The following CIT variants were observed in gnomAD, a reference collection of about 807,000 sequenced individuals.
The protein encoded by CIT is citron Rho-interacting kinase.
In CIT, 79 loss-of-function variants were observed where a neutral mutation model predicts 272.7. That is an observed-to-expected ratio of 0.29 (90% CI 0.24 to 0.35). CIT has a LOEUF of 0.35. Ranked by LOEUF, CIT falls within the 10% of genes least tolerant of loss-of-function variation. The pLI, the probability that CIT is intolerant of heterozygous loss-of-function variation, is 1.00. For synonymous variants in CIT, 948 were observed against 995.6 expected (o/e 0.95, Z 0.90); for missense variants, 1,909 against 2,618.3 (o/e 0.73, Z 5.91).
chr12:119,832,369 C>T (rs1968703591), intron 7 of CIT, among the ~76,000 whole-genome samples: 1 of 152,120 alleles, frequency 6.6e-6, no homozygotes, highest in Non-Finnish European at 1.5e-5. Flanking sequence ...GGTTCAAATG[C>T]TCCAGTGATT....
At chr12:119,767,006 T>A in intron 19 of CIT, 81 bp downstream of exon 19, 1 of 972,564 alleles carries the variant, frequency 1.0e-6, no homozygotes. Flanking sequence ...CAGCAAGAAA[T>A]GGCCACAAGG....
Position 119,712,479 on chromosome 12 carries a change from G to A in CIT, c.4684+112C>T. The A allele has an allele frequency of 2.2e-6, 3 of 1,394,676 alleles. No individual in the cohort carries two copies. The South Asian group carries it at 3.9e-5, about 18-fold the overall frequency. The allele number at this position is 1,394,676 out of a possible 1,614,324, so 86.4% of individuals were successfully genotyped here. ...GTTACCGCCAAGGCGGGGAGCGGAG[G>A]AAGATGGGCCTCCTTTGCAGAGCCA... On this transcript the variant is annotated intron_variant, in intron 36 of 47. Transcript: ENST00000392521. The surrounding 1 kb of genome is among the most constrained non-coding windows in gnomAD (Gnocchi z 5.2).
chr12:119,799,572 AAG>A (rs1035993068), intron 10 of CIT, among the ~76,000 whole-genome samples: 1 of 152,154 alleles, frequency 6.6e-6, no homozygotes, highest in Non-Finnish European at 1.5e-5. Context: ...AATCAAAAGG[AAG>A]AGAGTGCCCC....
intron 39 of CIT, among the ~76,000 whole-genome samples, chr12:119,709,937 G>A (rs1194679290): frequency 1.3e-5 from 2 of 152,058 alleles, no homozygotes; most frequent in Non-Finnish European, 2.9e-5. Context: ...GAAGGTCAGG[G>A]CCCACGGTGG....
At chr12:119,766,250 A>G (rs1329422056) in intron 19 of CIT, among the ~76,000 whole-genome samples, 1 of 152,316 alleles carries the variant, frequency 6.6e-6, no homozygotes, top group Non-Finnish European at 1.5e-5. Flanking sequence ...GGGAAAAAAA[A>G]AAGAAAGAAA....
At chr12:119,709,962 G>C (rs765619474) in intron 39 of CIT, among the ~76,000 whole-genome samples, 12 of 152,116 alleles carry the variant, frequency 7.9e-5, no homozygotes, top group Non-Finnish European at 1.6e-4. Flanking sequence ...GTTGCAATCA[G>C]GACAAAGGGT....
At position 119,728,432 on chromosome 12, in the gene CIT, C is replaced by CA. The variant is rs964857721; in HGVS notation, c.3591+69dup. 3.1e-4 allele frequency: 292 copies of CA among 943,552 alleles called. No homozygotes were observed. Among genetic ancestry groups the CA allele is most frequent in the Middle Eastern group, 4.4e-4 (2 of 4,592 alleles). The allele number at this position is 943,552 out of a possible 1,614,324, so 58.4% of individuals were successfully genotyped here. A position where few individuals can be genotyped will look rare whatever the true frequency, so the allele number is the denominator to read the frequency against. ...TTTTGCTGTGAACCTAAAGCTGCTC[C>CA]AAAAAAAAGAAGCCTATTAAAAGAA... On this transcript the variant is annotated intron_variant, in intron 28 of 47. Coordinates refer to ENST00000392521, the MANE Select transcript of CIT (RefSeq NM_001206999.2). The surrounding 1 kb of genome is among the most constrained non-coding windows in gnomAD (Gnocchi z 4.3).
intron 39 of CIT, among the ~76,000 whole-genome samples, chr12:119,709,787 AGTGTGTGTGT>A (rs150206566): frequency 0.11 from 11,462 of 107,462 alleles, 697 homozygotes; most frequent in East Asian, 0.27. Flanking sequence ...AGAGAGAGAG[AGTGTGTGTGT>A]GTGTGTGTGT....
rs117749901 is a variant in CIT, at chr12:119,767,492, G to A, written c.2209-310C>T. On this transcript the variant is annotated intron_variant, in intron 18 of 47. Transcript: ENST00000392521. ...TTGCATAGAGAAATAAGAGTAACAA[G>A]GCAACACTGGAAAGTTTAGTACATG... Among the ~76,000 whole-genome samples the A allele has an allele frequency of 1.8e-3, 267 of 152,284 alleles. 2 individuals are homozygous for A. The East Asian group carries it at 0.033, about 19-fold the overall frequency.
At chr12:119,726,836 C>T (rs372144551) in intron 28 of CIT, among the ~76,000 whole-genome samples, 2 of 152,142 alleles carry the variant, frequency 1.3e-5, no homozygotes, top group Admixed American at 6.5e-5. Flanking sequence ...TTTAAATAGC[C>T]GTTCTCAGAG....
At chr12:119,711,055 C>G in intron 37 of CIT, 1 of 1,367,236 alleles carries the variant, frequency 7.3e-7, no homozygotes, top group Non-Finnish European at 9.8e-7. Context: ...TTACCTGAAC[C>G]CAGGCAGGCA....
intron 6 of CIT, 142 bp downstream of exon 6, chr12:119,833,944 G>T: frequency 2.5e-6 from 2 of 810,022 alleles, no homozygotes; most frequent in Non-Finnish European, 1.9e-6. Context: ...TTTGCTTTCA[G>T]CCAGTTATTG....
chr12:119,842,750 AT>A (rs1969495394), intron 5 of CIT, among the ~76,000 whole-genome samples: 2 of 152,208 alleles, frequency 1.3e-5, no homozygotes, highest in African/African-American at 2.4e-5. Flanking sequence ...TGCATTCCAA[AT>A]TTTGAAAATC....
chr12:119,713,007 G>T lies in CIT; in HGVS notation c.4579+196C>A. The stretch of plus-strand genomic sequence containing the variant: ...GAATCTTCAGGGCAGCGCCCTGCGG[G>T]TTCTTCAGGGGGGAGACCTATAGAT... On this transcript the variant is annotated intron_variant, in intron 35 of 47. Coordinates refer to ENST00000392521, the MANE Select transcript of CIT (RefSeq NM_001206999.2). This position sits in a 1 kb window ranked among gnomAD's most constrained non-coding sequence, Gnocchi z 5.2. 3.2e-6 allele frequency: 2 copies of T among 626,046 alleles called. No homozygotes were observed. Among genetic ancestry groups the T allele is most frequent in the Non-Finnish European group, 2.8e-6 (1 of 352,590 alleles). 38.8% of individuals were successfully genotyped at this position (626,046 alleles called of 1,614,324 possible).
intron 7 of CIT, among the ~76,000 whole-genome samples, chr12:119,831,735 G>T (rs1430490672): frequency 6.6e-6 from 1 of 152,186 alleles, no homozygotes. Flanking sequence ...TGGGCATGGT[G>T]GCGGGCGCTT....
chr12:119,789,600 G>C (rs1036150674), intron 10 of CIT, among the ~76,000 whole-genome samples: 2 of 152,074 alleles, frequency 1.3e-5, no homozygotes, highest in Admixed American at 1.3e-4. Context: ...TAGCATCAAT[G>C]GTAAGTTCTC....
rs10849696 is a variant in CIT at position 119,771,207 on chromosome 12, T to C, written c.2083-297A>G. The stretch of plus-strand genomic sequence containing the variant: ...GCATCATTCCTGCCCTTGGAGGAGA[T>C]AAGATAAACACAAATAATCATAATA... On this transcript the variant is annotated intron_variant, in intron 17 of 47. Transcript: ENST00000392521. 0.49 allele frequency among the ~76,000 whole-genome samples: 74,495 copies of C among 151,912 alleles called. 18,631 individuals carry two copies. Among genetic ancestry groups the C allele is most frequent in the Admixed American group, 0.58 (8,862 of 15,270 alleles).
At chr12:119,779,620 C>A (rs1964102523) in intron 13 of CIT, among the ~76,000 whole-genome samples, 1 of 152,176 alleles carries the variant, frequency 6.6e-6, no homozygotes, top group Non-Finnish European at 1.5e-5. Flanking sequence ...GCTCACTTTT[C>A]TTTCTTGAAT....
intron 9 of CIT, among the ~76,000 whole-genome samples, chr12:119,808,141 C>T (rs1966714724): frequency 6.6e-6 from 1 of 152,098 alleles, no homozygotes; most frequent in Non-Finnish European, 1.5e-5. Flanking sequence ...TTCTCTCTCT[C>T]TCTTTTTTAA....
Sources: gnomAD v4.1 joint callset for allele counts (sites outside exome capture counted in the v4.1 genomes callset) on GRCh38, gnomAD v4.1.1 for gene constraint, Gnocchi (gnomAD v3.1) non-coding constraint, MANE v1.5 for transcripts, NCBI Gene and HGNC (gene_info 2026-07-23, HGNC 2026-07-21) for gene names.